CCL28: variants seen among roughly 807,000 people sequenced by gnomAD.
CCL28 encodes C-C motif chemokine ligand 28.
A neutral mutation model predicts 7.1 loss-of-function variants in CCL28; 4 were observed. That is an observed-to-expected ratio of 0.56 (90% confidence interval 0.28 to 1.29). CCL28 has a LOEUF of 1.29. CCL28 is among the 50% of genes most tolerant of loss of function. CCL28 has a pLI of 0.11. For missense variants in CCL28, 151 were observed against 163.4 expected, an observed-to-expected ratio of 0.92 and a Z score of 0.41; for synonymous variants, 55 against 57.8, an observed-to-expected ratio of 0.95 and a Z score of 0.22.
chr5:43,360,106 G>A, the CCL28 span, among the ~76,000 whole-genome samples: 5 of 152,092 alleles, frequency 3.3e-5, no homozygotes, highest in Non-Finnish European at 4.4e-5. Context: ...TCAGTGAACT[G>A]GTTTATCCAT....
chr5:43,381,862 A>ACAG lies in CCL28; in HGVS notation c.381_382insCTG. The ACAG allele has an allele frequency of 6.2e-7, 1 of 1,612,332 alleles. No individual in the cohort carries two copies. Among genetic ancestry groups the ACAG allele is most frequent in the Non-Finnish European group, 8.5e-7 (1 of 1,178,734 alleles). ...CTGTAGATTTATCTGTAGACTCTCT[A>ACAG]ATAAGGAGTTTTATGGCCGTATGTT... On this transcript the variant is annotated inframe_insertion, in exon 3 of 3. Coordinates refer to ENST00000361115, the MANE Select transcript of CCL28 (RefSeq NM_148672.3).
At chr5:43,403,503 C>T (rs889556539) in intron 1 of CCL28, among the ~76,000 whole-genome samples, 1 of 152,150 alleles carries the variant, frequency 6.6e-6, no homozygotes, top group African/African-American at 2.4e-5. Flanking sequence ...ACCAAAACCC[C>T]ATCTGTACGT....
intron 1 of CCL28, among the ~76,000 whole-genome samples, chr5:43,390,885 A>G (rs77290020): frequency 0.011 from 1,742 of 152,276 alleles, 23 homozygotes; most frequent in African/African-American, 0.026. Flanking sequence ...CTACTCACCA[A>G]CCAGTGAAGC....
At chr5:43,370,419 C>T in the CCL28 span, among the ~76,000 whole-genome samples, 1 of 152,062 alleles carries the variant, frequency 6.6e-6, no homozygotes. Context: ...TGGCATGATA[C>T]ACCCAGGAAT....
chr5:43,395,222 TA>T (rs575730110), intron 1 of CCL28, among the ~76,000 whole-genome samples: 295 of 148,880 alleles, frequency 2.0e-3, no homozygotes, highest in African/African-American at 6.8e-3. Context: ...TTTACATATA[TA>T]TTTATATATT....
chr5:43,361,454 T>C, the CCL28 span, among the ~76,000 whole-genome samples: 1 of 152,176 alleles, frequency 6.6e-6, no homozygotes, highest in Non-Finnish European at 1.5e-5. Context: ...ATTTACTCTG[T>C]TGATAGTTTC....
the CCL28 span, among the ~76,000 whole-genome samples, chr5:43,366,379 C>A: frequency 6.6e-6 from 1 of 152,198 alleles, no homozygotes; most frequent in African/African-American, 2.4e-5. Flanking sequence ...GATGTTGATG[C>A]TATTCCTTTC....
At chr5:43,411,082 A>G (rs1741518680) in intron 1 of CCL28, among the ~76,000 whole-genome samples, 1 of 152,218 alleles carries the variant, frequency 6.6e-6, no homozygotes, top group Non-Finnish European at 1.5e-5. Flanking sequence ...TTGCCATGGT[A>G]TGGTGGAATC....
chr5:43,406,096 A>G (rs1269224833), intron 1 of CCL28, among the ~76,000 whole-genome samples: 81 of 151,350 alleles, frequency 5.4e-4, no homozygotes, highest in African/African-American at 1.8e-3. Context: ...CATTCCTTCT[A>G]AAACTATTCC....
intron 1 of CCL28, among the ~76,000 whole-genome samples, chr5:43,400,944 G>C (rs565434472): frequency 1.4e-4 from 21 of 151,900 alleles, no homozygotes; most frequent in Non-Finnish European, 2.4e-4. Context: ...TTAACCGGGC[G>C]TGGTGGCAGG....
rs927659119 is a variant in CCL28, at chr5:43,381,838, T to C, written c.*22A>G. 9 of 1,584,028 alleles carry C rather than the reference T, an allele frequency of 5.7e-6. No homozygotes were observed. Among genetic ancestry groups the C allele is most frequent in the Non-Finnish European group, 6.9e-6 (8 of 1,159,498 alleles). ...CCAAGTCCACTTGAGGAATTGTCTC[T>C]GTAGATTTATCTGTAGACTCTCTAA... On this transcript the variant is annotated 3_prime_UTR_variant, in exon 3 of 3. Coordinates refer to ENST00000361115, the MANE Select transcript of CCL28 (RefSeq NM_148672.3).
At chr5:43,401,366 A>G (rs1270089245) in intron 1 of CCL28, among the ~76,000 whole-genome samples, 1 of 152,176 alleles carries the variant, frequency 6.6e-6, no homozygotes, top group Non-Finnish European at 1.5e-5. Flanking sequence ...TTGCTTTAAC[A>G]TGATACAGAC....
rs1740121031 is a variant in CCL28, at chr5:43,381,679, A to AT, written c.*180dup. ...CCAGCCAGTATTATCTTTTCATTTC[A>AT]TTTTCCAGTTGAGTATATTATTGGC... On this transcript the variant is annotated 3_prime_UTR_variant, in exon 3 of 3. Transcript: ENST00000361115. 1.8e-6 allele frequency: 1 copy of AT among 564,958 alleles called. No individual in the cohort carries two copies. Among genetic ancestry groups the AT allele is most frequent in the Admixed American group, 3.4e-5 (1 of 29,412 alleles). 35.0% of individuals were successfully genotyped at this position (564,958 alleles called of 1,614,324 possible).
chr5:43,409,032 G>T (rs1472426972), intron 1 of CCL28, among the ~76,000 whole-genome samples: 1 of 151,950 alleles, frequency 6.6e-6, no homozygotes, highest in African/African-American at 2.4e-5. Flanking sequence ...TGGGATTACA[G>T]GCAGCGAGGC....
chr5:43,361,509 C>T, the CCL28 span, among the ~76,000 whole-genome samples: 15 of 152,132 alleles, frequency 9.9e-5, no homozygotes, highest in Non-Finnish European at 1.9e-4. Context: ...CCCTATTTAT[C>T]AATTTTTGCT....
Position 43,407,110 on chromosome 5 carries a change from G to A in CCL28, c.64+5143C>T, listed in dbSNP as rs957294526. 4.6e-5 allele frequency among the ~76,000 whole-genome samples: 7 copies of A among 152,144 alleles called. No homozygotes were observed. The East Asian group carries it at 5.8e-4, about 13-fold the overall frequency. The stretch of plus-strand genomic sequence containing the variant: ...CAGTGCCATCCCCATGAAGCTACCA[G>A]TGACTTTCTTCACAGAATTGGAAAA... On this transcript the variant is annotated intron_variant, in intron 1 of 2. Transcript: ENST00000361115.
the CCL28 span, among the ~76,000 whole-genome samples, chr5:43,362,507 GT>G: frequency 6.6e-6 from 1 of 152,038 alleles, no homozygotes; most frequent in Non-Finnish European, 1.5e-5. Flanking sequence ...GGTATATATA[GT>G]TTATAAAACA....
At chr5:43,362,235 A>G in the CCL28 span, among the ~76,000 whole-genome samples, 1 of 151,876 alleles carries the variant, frequency 6.6e-6, no homozygotes, top group South Asian at 2.1e-4. Context: ...CAGGTATTTT[A>G]TTATTTTTGT....
intron 1 of CCL28, among the ~76,000 whole-genome samples, chr5:43,395,266 C>T (rs1238034358): frequency 6.6e-6 from 1 of 150,738 alleles, no homozygotes; most frequent in Admixed American, 6.6e-5. Context: ...TCATTTTATC[C>T]ACAATTTCTA....
Sources: gnomAD v4.1 joint callset for allele counts (sites outside exome capture counted in the v4.1 genomes callset) on GRCh38, gnomAD v4.1.1 for gene constraint, MANE v1.5 for transcripts, NCBI Gene and HGNC (gene_info 2026-07-23, HGNC 2026-07-21) for gene names.